The following SHANK2 variants were observed in gnomAD, a reference collection of about 807,000 sequenced individuals.
SHANK2 encodes SH3 and multiple ankyrin repeat domains protein 2.
In SHANK2, 43 loss-of-function variants were observed where a neutral mutation model predicts 133.7. The observed-to-expected ratio is 0.32, with a 90% CI of 0.25 to 0.41. The LOEUF (loss-of-function observed/expected upper bound fraction) is 0.41. Among genes scored for constraint, SHANK2 ranks in the 10% least tolerant of loss-of-function variants. The pLI is 1.00. For synonymous variants in SHANK2, 1,017 were observed against 952.8 expected, an observed-to-expected ratio of 1.07 and a Z score of -1.24; for missense variants, 1,994 against 2,235.8, an observed-to-expected ratio of 0.89 and a Z score of 2.18.
rs947110684 is a variant in SHANK2 at position 70,491,517 on chromosome 11, A to G, written c.2439+818T>C. Among the ~76,000 whole-genome samples the G allele has an allele frequency of 1.1e-4, 16 of 152,376 alleles. No homozygotes were observed. In the South Asian group the frequency reaches 2.9e-3, roughly 28 times the overall value. ...GTAATTATTAACAGTTGTTTAATGC[A>G]CATTACAGAAAAGCCTTGTGGTAAA... On this transcript the variant is annotated intron_variant, in intron 22 of 25. Transcript: ENST00000601538.
chr11:70,883,667 G>A (rs909532699), intron 11 of SHANK2, among the ~76,000 whole-genome samples: 1 of 152,162 alleles, frequency 6.6e-6, no homozygotes, highest in African/African-American at 2.4e-5. Flanking sequence ...AGGGGGCCCG[G>A]GAAAGCCCCC....
At chr11:70,787,401 T>C (rs1162213090) in intron 14 of SHANK2, among the ~76,000 whole-genome samples, 1 of 131,890 alleles carries the variant, frequency 7.6e-6, no homozygotes, top group African/African-American at 3.0e-5. Context: ...ACCACTATCA[T>C]CACCGTGACC....
intron 8 of SHANK2, among the ~76,000 whole-genome samples, chr11:71,084,744 T>C (rs1428360729): frequency 6.6e-6 from 1 of 152,158 alleles, no homozygotes; most frequent in Non-Finnish European, 1.5e-5. Context: ...ACAGGCAGCA[T>C]AGAGAACCAG....
intron 11 of SHANK2, among the ~76,000 whole-genome samples, chr11:70,884,911 G>A (rs1432815362): frequency 4.6e-5 from 7 of 152,082 alleles, no homozygotes; most frequent in Non-Finnish European, 7.4e-5. Context: ...AGTAGAGATG[G>A]GGTTTCACCA....
At chr11:70,611,578 G>A (rs2060657982) in intron 17 of SHANK2, among the ~76,000 whole-genome samples, 1 of 152,254 alleles carries the variant, frequency 6.6e-6, no homozygotes, top group African/African-American at 2.4e-5. Flanking sequence ...AACAGAGGGT[G>A]TCTGGTTTAA....
intron 11 of SHANK2, among the ~76,000 whole-genome samples, chr11:70,867,471 C>T (rs1218198895): frequency 1.3e-5 from 2 of 152,156 alleles, no homozygotes; most frequent in Non-Finnish European, 2.9e-5. Context: ...GGGAGTACGG[C>T]ATGCGCATGA....
intron 14 of SHANK2, among the ~76,000 whole-genome samples, chr11:70,796,213 G>A (rs925320022): frequency 6.6e-6 from 1 of 152,176 alleles, no homozygotes; most frequent in Non-Finnish European, 1.5e-5. Flanking sequence ...ATGCTGGCAG[G>A]TGGACGGGAA....
intron 14 of SHANK2, among the ~76,000 whole-genome samples, chr11:70,763,374 G>T (rs1947035114): frequency 1.3e-5 from 2 of 152,174 alleles, no homozygotes; most frequent in Admixed American, 1.3e-4. Flanking sequence ...GCTGGCAGGG[G>T]TGGAGCTGCT....
chr11:70,806,073 T>C (rs1236507852), intron 13 of SHANK2, among the ~76,000 whole-genome samples: 1 of 152,186 alleles, frequency 6.6e-6, no homozygotes, highest in Admixed American at 6.5e-5. Flanking sequence ...ACTGAGTCAA[T>C]TACCTGCTGG....
At chr11:70,492,501 C>T (rs782659123) in intron 21 of SHANK2, 36 bp from the exon 22 acceptor site, 11 of 1,612,970 alleles carry the variant, frequency 6.8e-6, no homozygotes, top group Non-Finnish European at 9.3e-6. Context: ...GCAGCAACAC[C>T]AGTGGGGGAA....
intron 2 of SHANK2, among the ~76,000 whole-genome samples, chr11:71,192,983 G>A (rs1180135036): frequency 6.6e-6 from 1 of 152,216 alleles, no homozygotes; most frequent in African/African-American, 2.4e-5. Flanking sequence ...AGTTGGTACA[G>A]CTTACTCTTC....
intron 12 of SHANK2, among the ~76,000 whole-genome samples, chr11:70,808,587 T>C (rs1181361491): frequency 7.1e-6 from 1 of 141,828 alleles, no homozygotes; most frequent in Non-Finnish European, 1.5e-5. Context: ...AAAAAAAAAT[T>C]GGCCAGGCAT....
chr11:70,703,087 G>T (rs1259558654), intron 14 of SHANK2, among the ~76,000 whole-genome samples: 22 of 152,218 alleles, frequency 1.4e-4, no homozygotes, highest in Non-Finnish European at 4.4e-5. Flanking sequence ...AGCAGTGTGG[G>T]CCTCCGACCT....
intron 10 of SHANK2, among the ~76,000 whole-genome samples, chr11:70,908,251 G>A (rs1374889929): frequency 6.6e-6 from 1 of 152,218 alleles, no homozygotes; most frequent in Non-Finnish European, 1.5e-5. Context: ...TCACGTGACT[G>A]CGTTTAAGTG....
At chr11:70,549,060 C>A (rs910921069) in intron 17 of SHANK2, among the ~76,000 whole-genome samples, 1 of 152,150 alleles carries the variant, frequency 6.6e-6, no homozygotes, top group African/African-American at 2.4e-5. Flanking sequence ...AGAGACCACG[C>A]CTCTGTTGTT....
chr11:70,579,704 C>T lies in SHANK2; in HGVS notation c.2062-76773G>A, dbSNP rs190059667. ...CAAAGCCACGGCTGCAAGATGTCTA[C>T]GCCCTAATCCCTGGGACCTGTGTGA... On this transcript the variant is annotated intron_variant, in intron 17 of 25. Transcript: ENST00000601538. Among the ~76,000 whole-genome samples the T allele has an allele frequency of 1.3e-3, 200 of 152,356 alleles. 1 individual carries two copies. The highest frequency in any genetic ancestry group is 4.2e-3 in the African/African-American group (173 of 41,584).
intron 14 of SHANK2, among the ~76,000 whole-genome samples, chr11:70,718,564 G>T (rs987289066): frequency 1.1e-4 from 16 of 152,202 alleles, no homozygotes; most frequent in African/African-American, 3.4e-4. Context: ...CAGGGCTGGG[G>T]GCTGAGCCTC....
chr11:70,933,329 A>T, intron 10 of SHANK2: 1 of 454,744 alleles, frequency 2.2e-6, no homozygotes, highest in Non-Finnish European at 4.4e-6. Context: ...ATTCATAGAG[A>T]TGGAAAGTAG....
chr11:70,882,388 C>T lies in SHANK2; in HGVS notation c.1174+14113G>A, dbSNP rs1331681679. On this transcript the variant is annotated intron_variant, in intron 11 of 25. Coordinates refer to ENST00000601538, the MANE Select transcript of SHANK2 (RefSeq NM_012309.5). This position sits in a 1 kb window ranked among gnomAD's most constrained non-coding sequence, Gnocchi z 4.2. ...TAGGAGCTGGGAACCAGTTCTATAG[C>T]CTACAAGCAAGGGATTTAATACATA... 6.6e-6 allele frequency among the ~76,000 whole-genome samples: 1 copy of T among 152,148 alleles called. No individual in the cohort carries two copies. The highest frequency in any genetic ancestry group is 2.4e-5 in the African/African-American group (1 of 41,414).
Sources: allele counts gnomAD v4.1 joint callset (sites outside exome capture counted in the v4.1 genomes callset), GRCh38; gene constraint gnomAD v4.1.1; non-coding constraint Gnocchi (gnomAD v3.1); transcripts MANE v1.5; gene names NCBI Gene and HGNC (gene_info 2026-07-23, HGNC 2026-07-21).